Variants in FAM149A observed in about 807,000 individuals in gnomAD.
FAM149A encodes the protein family with sequence similarity 149 member A.
A neutral mutation model predicts 78.2 loss-of-function variants in FAM149A; 71 were observed. The observed-to-expected ratio is 0.91, with a 90% CI of 0.75 to 1.11. The LOEUF (loss-of-function observed/expected upper bound fraction) is 1.11, where lower values mean the gene tolerates loss of function less well. Ranked by LOEUF, FAM149A falls within the 50% of genes least tolerant of loss-of-function variation. FAM149A has a pLI of 0.00. For missense variants in FAM149A, 1,036 were observed against 971.0 expected (o/e 1.07, Z -0.89); for synonymous variants, 446 against 410.5 (o/e 1.09, Z -1.04).
intron 8 of FAM149A, 56 bp from the exon 9 acceptor site, chr4:186,162,789 C>A: frequency 1.1e-6 from 1 of 930,822 alleles, no homozygotes; most frequent in Non-Finnish European, 1.7e-6. Flanking sequence ...GTCATTGGAA[C>A]GGCACTGGGC....
rs1579905458 is a variant in FAM149A, at chr4:186,157,659, C to T, written c.1515C>T (p.Pro505=). ...CTCACGCCGATGGAGCCAGTGGCCC[C>T]CCGTCCGGACACGCCGAGGCTCACG... Residue 505 remains proline (P), a synonymous_variant, in exon 8 of 14, where the codon CCC becomes CCT. Coordinates refer to ENST00000389354, the MANE Select transcript of FAM149A (RefSeq NM_001367768.3). 6.2e-7 allele frequency: 1 copy of T among 1,614,122 alleles called. No homozygotes were observed. Among genetic ancestry groups the T allele is most frequent in the South Asian group, 1.1e-5 (1 of 91,070 alleles).
At chr4:186,146,274 AG>A (rs1326312659) in intron 1 of FAM149A, 2 of 156,008 alleles carry the variant, frequency 1.3e-5, no homozygotes, top group African/African-American at 4.8e-5. Context: ...ACAGAGGGGA[AG>A]GTCAGAGAGG....
rs146838838 is a variant in FAM149A at position 186,169,609 on chromosome 4, C to CT, written c.2219-2304dup. 35 of 985,434 alleles carry CT rather than the reference C, an allele frequency of 3.6e-5. No homozygotes were observed. The East Asian group carries it at 3.9e-3, about 109-fold the overall frequency. The allele number at this position is 985,434 out of a possible 1,614,324, so 61.0% of individuals were successfully genotyped here. On this transcript the variant is annotated intron_variant, in intron 13 of 13. Coordinates refer to ENST00000389354, the MANE Select transcript of FAM149A (RefSeq NM_001367768.3). ...ACCAGCTCAGGCAGCACACCACGAT[C>CT]TAATAGGACATTCAGGAATGAATTA...
intron 1 of FAM149A, among the ~76,000 whole-genome samples, chr4:186,108,342 C>T (rs909654130): frequency 2.6e-5 from 4 of 151,808 alleles, no homozygotes; most frequent in Non-Finnish European, 5.9e-5. Context: ...AAAGGAAAAC[C>T]CTATTAGCAG....
intron 1 of FAM149A, among the ~76,000 whole-genome samples, chr4:186,137,054 A>G (rs1194798810): frequency 7.0e-6 from 1 of 143,074 alleles, no homozygotes; most frequent in Admixed American, 7.6e-5. Flanking sequence ...TGTGGTACAT[A>G]TTCAGGAAAT....
At chr4:186,124,669 C>G (rs13105407) in intron 1 of FAM149A, among the ~76,000 whole-genome samples, 22,269 of 152,060 alleles carry the variant, frequency 0.15, 1,919 homozygotes, top group African/African-American at 0.23. Context: ...ATCATTGTTG[C>G]ACATTTGGGT....
rs1160873505 is a variant in FAM149A, at chr4:186,144,745, G to C, written c.567-4428G>C. On this transcript the variant is annotated intron_variant, in intron 1 of 13. Coordinates refer to ENST00000389354, the MANE Select transcript of FAM149A (RefSeq NM_001367768.3). This position sits in a 1 kb window ranked among gnomAD's most constrained non-coding sequence, Gnocchi z 4.2. ...GCGCGGGGCCGGGGCCGGGGCCGGG[G>C]CCCGGAGCGGGGATGGGCGGGCGCA... is the stretch of plus-strand genomic sequence containing the variant. 2 of 884,058 alleles carry C rather than the reference G, an allele frequency of 2.3e-6. No homozygotes were observed. The highest frequency in any genetic ancestry group is 1.3e-4 in the Admixed American group (2 of 15,440). 54.8% of individuals were successfully genotyped at this position (884,058 alleles called of 1,614,324 possible).
chr4:186,140,949 G>T (rs917258109), intron 1 of FAM149A, among the ~76,000 whole-genome samples: 2 of 152,210 alleles, frequency 1.3e-5, no homozygotes, highest in East Asian at 3.8e-4. Context: ...GGCCTTCAAG[G>T]TGAATGGCCA....
rs754410805 is a variant in FAM149A at position 186,162,880 on chromosome 4, G to A, written c.1611G>A (p.Met537Ile). The A allele has an allele frequency of 1.3e-6, 2 of 1,506,598 alleles. No homozygotes were observed. The highest frequency in any genetic ancestry group is 2.2e-5 in the South Asian group (2 of 88,932). The allele number at this position is 1,506,598 out of a possible 1,614,324, so 93.3% of individuals were successfully genotyped here. ...TCTCCAGCAGTTTTTATAGTGACATGAATGGTGTCATGACAATTCAAGCAA... is the reference window on the plus strand; with the variant it reads ...TCTCCAGCAGTTTTTATAGTGACATAAATGGTGTCATGACAATTCAAGCAA... Residue 537 changes from methionine (M) to isoleucine (I), a missense_variant, in exon 9 of 14, where the codon ATG becomes ATA. Physicochemically the swap from Met to Ile is conservative, Grantham distance 10 (BLOSUM62 1). Around this residue, in one of 3 missense-constraint regions of FAM149A, gnomAD observed 716 missense variants for 711.8 expected, o/e 1.01. Transcript: ENST00000389354.
intron 1 of FAM149A, among the ~76,000 whole-genome samples, chr4:186,136,771 C>A (rs567460194): frequency 1.3e-5 from 2 of 152,276 alleles, no homozygotes; most frequent in South Asian, 4.1e-4. Flanking sequence ...GTGTGCCCTG[C>A]AGGGCTGCAG....
At chr4:186,131,383 C>A (rs1229221266) in intron 1 of FAM149A, among the ~76,000 whole-genome samples, 1 of 151,440 alleles carries the variant, frequency 6.6e-6, no homozygotes, top group Admixed American at 6.6e-5. Context: ...CTCACTCTCC[C>A]ACTCTCCATG....
intron 1 of FAM149A, among the ~76,000 whole-genome samples, chr4:186,118,640 A>G (rs1387097019): frequency 6.6e-6 from 1 of 152,196 alleles, no homozygotes; most frequent in Non-Finnish European, 1.5e-5. Flanking sequence ...CCAAGAAAAA[A>G]CAAAACAGCC....
At chr4:186,157,466 G>A in intron 7 of FAM149A, 99 bp from the exon 8 acceptor site, 2 of 1,245,238 alleles carry the variant, frequency 1.6e-6, no homozygotes, top group Non-Finnish European at 2.3e-6. Flanking sequence ...TGGGCTCGTG[G>A]TAGCTCAAGC....
chr4:186,157,495 G>A (rs533285838), intron 7 of FAM149A, 70 bp from the exon 8 acceptor site: 1 of 1,487,488 alleles, frequency 6.7e-7, no homozygotes, highest in Admixed American at 1.7e-5. Flanking sequence ...TCTCTTTCAA[G>A]AGTGAATTTT....
At chr4:186,130,275 C>A (rs1302792019) in intron 1 of FAM149A, 2 of 33,984 alleles carry the variant, frequency 5.9e-5, no homozygotes, top group African/African-American at 3.2e-4. Flanking sequence ...CTCTCTCTCT[C>A]TCTCTCTCTC....
intron 3 of FAM149A, among the ~76,000 whole-genome samples, chr4:186,150,413 CTTTT>C (rs750482571): frequency 1.2e-5 from 1 of 84,288 alleles, no homozygotes; most frequent in Non-Finnish European, 2.1e-5. Context: ...CTCTCTGTCT[CTTTT>C]TTTTTTTTTT....
rs1411415165 is a variant in FAM149A at position 186,105,385 on chromosome 4, G to A, written c.309G>A (p.Ala103=). 8.4e-7 allele frequency: 1 copy of A among 1,183,632 alleles called. No individual in the cohort carries two copies. The allele number at this position is 1,183,632 out of a possible 1,614,324, so 73.3% of individuals were successfully genotyped here. The change falls in exon 1 of 14, where the codon GCG becomes GCA. Residue 103 remains alanine, a synonymous_variant. Transcript: ENST00000389354. ...TCTCTTGGCCCAGTAGCCCTAGAGC[G>A]GGTAAAGCCCCGCCCCAGCCCCCCA... is the stretch of plus-strand genomic sequence containing the variant.
chr4:186,105,491 G>A lies in FAM149A; in HGVS notation c.415G>A (p.Ala139Thr). ...CTCGGGCCCCGGCGGGGTCTGGGCC[G>A]CGCTCCCCAGGAACCCGCTCCAGCC... Residue 139 changes from alanine to threonine, a missense_variant, in exon 1 of 14, where the codon GCG (alanine) becomes ACG (threonine). By Grantham distance (58) the Ala-to-Thr change is moderately conservative. Around this residue, in one of 3 missense-constraint regions of FAM149A, gnomAD observed 316 missense variants for 241.9 expected, o/e 1.31. Coordinates refer to ENST00000389354, the MANE Select transcript of FAM149A (RefSeq NM_001367768.3). The A allele has an allele frequency of 8.3e-7, 1 of 1,200,242 alleles. No individual in the cohort carries two copies. The highest frequency in any genetic ancestry group is 1.0e-6 in the Non-Finnish European group (1 of 952,404). 74.3% of individuals were successfully genotyped at this position (1,200,242 alleles called of 1,614,324 possible).
chr4:186,105,141 C>T lies in FAM149A; in HGVS notation c.65C>T (p.Pro22Leu), dbSNP rs1461934994. 7.8e-7 allele frequency: 1 copy of T among 1,280,286 alleles called. No homozygotes were observed. Among genetic ancestry groups the T allele is most frequent in the Admixed American group, 2.3e-5 (1 of 43,236 alleles). The allele number at this position is 1,280,286 out of a possible 1,614,324, so 79.3% of individuals were successfully genotyped here. ...AAACTCTTCGAGACCTCGACGGCGC[C>T]CCCCGCAGGCCCCTCCTCCAGACCC... Residue 22 changes from proline to leucine, a missense_variant, in exon 1 of 14, where the codon CCC (proline) becomes CTC (leucine). Physicochemically the swap from Pro to Leu is moderately conservative, Grantham distance 98. This residue lies in a region of FAM149A where 316 missense variants were observed against 241.9 expected (regional missense o/e 1.31). Coordinates refer to ENST00000389354, the MANE Select transcript of FAM149A (RefSeq NM_001367768.3).
Sources: allele counts gnomAD v4.1 joint callset (sites outside exome capture counted in the v4.1 genomes callset), GRCh38; gene constraint gnomAD v4.1.1; regional missense constraint gnomAD v4.1.1; non-coding constraint Gnocchi (gnomAD v3.1); transcripts MANE v1.5; gene names NCBI Gene and HGNC (gene_info 2026-07-23, HGNC 2026-07-21).